Variants in MCTS1 observed in about 807,000 individuals in gnomAD.
MCTS1 encodes malignant T-cell-amplified sequence 1.
For missense variants in MCTS1, 55 were observed against 128.6 expected (o/e 0.43, Z 2.77); for synonymous variants, 26 against 40.8 (o/e 0.64, Z 1.38).
In MCTS1 at chrX:120,614,666, A is replaced by G. The variant is rs979219911; in HGVS notation, c.*2402A>G. ...TGGCTTCAAATTCAGATGTCTCCCT[A>G]TTTGGGGGAGGAGGCACCCTATTTG... On this transcript the variant is annotated 3_prime_UTR_variant, in exon 6 of 6. Transcript: ENST00000371317. Among the ~76,000 whole-genome samples, 1 of 111,644 alleles carries G rather than the reference A, an allele frequency of 9.0e-6. No individual in the cohort carries two copies. The highest frequency in any genetic ancestry group is 3.3e-5 in the African/African-American group (1 of 30,713).
intron 3 of MCTS1, among the ~76,000 whole-genome samples, chrX:120,607,853 G>A (rs1430536175): frequency 9.1e-6 from 1 of 110,339 alleles, no homozygotes; most frequent in East Asian, 2.8e-4. Context: ...TTTACTCTGC[G>A]TTTTTCACTT....
chrX:120,608,557 C>T (rs1242405012), intron 4 of MCTS1, 199 bp downstream of exon 4: 5 of 372,083 alleles, frequency 1.3e-5, no homozygotes, highest in East Asian at 1.1e-4. Flanking sequence ...CATCTTAGGT[C>T]GTTTCTTAGA....
At position 120,620,918 on chromosome X, in the gene MCTS1, A is replaced by T. The variant is rs1927019298; in HGVS notation, c.*8654A>T. The T allele has an allele frequency of 9.0e-6, 1 of 111,566 alleles. No individual in the cohort carries two copies. Among genetic ancestry groups the T allele is most frequent in the Non-Finnish European group, 1.9e-5 (1 of 53,195 alleles). The allele number at this position is 111,566 out of a possible 1,213,427, so 9.2% of individuals were successfully genotyped here. On this transcript the variant is annotated 3_prime_UTR_variant, in exon 6 of 6. Transcript: ENST00000371317. ...TCATGTTTAGCTATTGGGGGGTCTC[A>T]TACTTCTGGACTTGCTTAGACCTAT... is the stretch of plus-strand genomic sequence containing the variant.
At chrX:120,610,577 C>T (rs1926662095) in intron 4 of MCTS1, among the ~76,000 whole-genome samples, 1 of 112,660 alleles carries the variant, frequency 8.9e-6, no homozygotes, top group Non-Finnish European at 1.9e-5. Context: ...TGCGCCATTG[C>T]ACTCCAGCCT....
chrX:120,612,687 ATGTGTGTGTGTG>A lies in MCTS1; in HGVS notation c.*437_*448del, dbSNP rs66864093. On this transcript the variant is annotated 3_prime_UTR_variant, in exon 6 of 6. Transcript: ENST00000371317. ...TGTGTGTGTGTGTGTGTGTGTGTGT[ATGTGTGTGTGTG>A]TGTGTGTGTGTGTTTTGTTGATTGT... Among the ~76,000 whole-genome samples the A allele has an allele frequency of 8.5e-5, 8 of 93,680 alleles. No homozygotes were observed. Among genetic ancestry groups the A allele is most frequent in the South Asian group, 5.0e-4 (1 of 1,982 alleles). 81.3% of individuals were successfully genotyped at this position (93,680 alleles called of 115,157 possible).
At chrX:120,605,623 C>T in intron 2 of MCTS1, 64 bp downstream of exon 2, 1 of 1,026,529 alleles carries the variant, frequency 9.7e-7, no homozygotes, top group Non-Finnish European at 1.3e-6. Context: ...TTAGATTGCA[C>T]TCATACTAAA....
rs1375134185 is a variant in MCTS1 at position 120,612,317 on chromosome X, T to A, written c.*53T>A. On this transcript the variant is annotated 3_prime_UTR_variant, in exon 6 of 6. Coordinates refer to ENST00000371317, the MANE Select transcript of MCTS1 (RefSeq NM_014060.3). ...ATATGGATATTGTGCTGTATCTGTG[T>A]TTGTGTCTGTGTGTGACAGCATGAA... The A allele has an allele frequency of 2.0e-5, 18 of 912,398 alleles. No homozygotes were observed. Among genetic ancestry groups the A allele is most frequent in the African/African-American group, 4.0e-5 (2 of 50,475 alleles). The allele number at this position is 912,398 out of a possible 1,213,427, so 75.2% of individuals were successfully genotyped here.
At position 120,619,518 on chromosome X, in the gene MCTS1, C is replaced by T. The variant is rs1209786390; in HGVS notation, c.*7254C>T. ...CAACTTCAGGAAAGTTGTATGACCTCTCTGAGGTAATAAATGGCAGAACTG... is the reference window on the plus strand; with the variant it reads ...CAACTTCAGGAAAGTTGTATGACCTTTCTGAGGTAATAAATGGCAGAACTG... On this transcript the variant is annotated 3_prime_UTR_variant, in exon 6 of 6. Coordinates refer to ENST00000371317, the MANE Select transcript of MCTS1 (RefSeq NM_014060.3). 2.7e-5 allele frequency among the ~76,000 whole-genome samples: 3 copies of T among 109,201 alleles called. No individual in the cohort carries two copies. Among genetic ancestry groups the T allele is most frequent in the Non-Finnish European group, 5.7e-5 (3 of 52,416 alleles). The allele number at this position is 109,201 out of a possible 115,157, so 94.8% of individuals were successfully genotyped here. A position where few individuals can be genotyped will look rare whatever the true frequency, so the allele number is the denominator to read the frequency against.
At chrX:120,606,613 GTC>G (rs1308867648) in intron 3 of MCTS1, among the ~76,000 whole-genome samples, 1 of 111,053 alleles carries the variant, frequency 9.0e-6, no homozygotes, top group Non-Finnish European at 1.9e-5. Context: ...GTGAAACCCC[GTC>G]TCTACTAAAC....
chrX:120,604,590 G>A, intron 1 of MCTS1: 1 of 788,779 alleles, frequency 1.3e-6, no homozygotes, highest in Non-Finnish European at 1.7e-6. Context: ...GCTGAGAGGG[G>A]AGCCCTGCGC....
chrX:120,608,662 T>G (rs1185106306), intron 4 of MCTS1, among the ~76,000 whole-genome samples: 1 of 112,197 alleles, frequency 8.9e-6, no homozygotes, highest in Non-Finnish European at 1.9e-5. Context: ...AGGGAATTCT[T>G]GATTACTAGG....
At chrX:120,604,787 A>G in intron 1 of MCTS1, 5 of 1,128,400 alleles carry the variant, frequency 4.4e-6, no homozygotes, top group East Asian at 3.4e-5. Context: ...GAAGACAAAA[A>G]TTCCTTGGGA....
chrX:120,620,239 C>T lies in MCTS1; in HGVS notation c.*7975C>T, dbSNP rs1192532299. On this transcript the variant is annotated 3_prime_UTR_variant, in exon 6 of 6. Coordinates refer to ENST00000371317, the MANE Select transcript of MCTS1 (RefSeq NM_014060.3). ...AGGAGAGTGGCATGAACCCGGGAGG[C>T]GGAGCTTGCAGTGAGCTGAGATCGC... is the stretch of plus-strand genomic sequence containing the variant. Among the ~76,000 whole-genome samples, 1 of 109,927 alleles carries T rather than the reference C, an allele frequency of 9.1e-6. No individual in the cohort carries two copies. Among genetic ancestry groups the T allele is most frequent in the Non-Finnish European group, 1.9e-5 (1 of 52,743 alleles).
At position 120,612,266 on chromosome X, in the gene MCTS1, C is replaced by G. The variant is rs1926704832; in HGVS notation, c.*2C>G. On this transcript the variant is annotated 3_prime_UTR_variant, in exon 6 of 6. Coordinates refer to ENST00000371317, the MANE Select transcript of MCTS1 (RefSeq NM_014060.3). The stretch of plus-strand genomic sequence containing the variant: ...TGGCATATGAAGACATATAAATGAG[C>G]CTCAGAAGGAATGCACTTGGGCTAA... The G allele has an allele frequency of 1.7e-6, 2 of 1,178,939 alleles. No homozygotes were observed. Among genetic ancestry groups the G allele is most frequent in the African/African-American group, 1.8e-5 (1 of 56,301 alleles).
rs1450842041 is a variant in MCTS1, at chrX:120,620,330, A to G, written c.*8066A>G. 3.8e-5 allele frequency among the ~76,000 whole-genome samples: 4 copies of G among 106,218 alleles called. No homozygotes were observed. The highest frequency in any genetic ancestry group is 5.8e-5 in the Non-Finnish European group (3 of 51,733). 92.2% of individuals were successfully genotyped at this position (106,218 alleles called of 115,157 possible). ...CTCAAAAACCAACCAAACAAAAAAC[A>G]AAAATTAGCTGGGCATGGTGGCGCG... is the stretch of plus-strand genomic sequence containing the variant. On this transcript the variant is annotated 3_prime_UTR_variant, in exon 6 of 6. Coordinates refer to ENST00000371317, the MANE Select transcript of MCTS1 (RefSeq NM_014060.3).
chrX:120,619,520 C>G lies in MCTS1; in HGVS notation c.*7256C>G, dbSNP rs1345304277. Among the ~76,000 whole-genome samples, 2 of 109,129 alleles carry G rather than the reference C, an allele frequency of 1.8e-5. No individual in the cohort carries two copies. The highest frequency in any genetic ancestry group is 6.7e-5 in the African/African-American group (2 of 30,036). 94.8% of individuals were successfully genotyped at this position (109,129 alleles called of 115,157 possible). The stretch of plus-strand genomic sequence containing the variant: ...ACTTCAGGAAAGTTGTATGACCTCT[C>G]TGAGGTAATAAATGGCAGAACTGGA... On this transcript the variant is annotated 3_prime_UTR_variant, in exon 6 of 6. Transcript: ENST00000371317.
In MCTS1 at chrX:120,617,868, C is replaced by T. The variant is rs1424927007; in HGVS notation, c.*5604C>T. On this transcript the variant is annotated 3_prime_UTR_variant, in exon 6 of 6. Coordinates refer to ENST00000371317, the MANE Select transcript of MCTS1 (RefSeq NM_014060.3). ...CAATAAATCATTTGTTCTAACTAAG[C>T]ACATGCTTGGAAAAAGTGCTATTTT... Among the ~76,000 whole-genome samples the T allele has an allele frequency of 5.3e-5, 6 of 112,712 alleles. No homozygotes were observed. In the East Asian group the frequency reaches 1.7e-3, roughly 31 times the overall value.
At chrX:120,609,673 G>A (rs894692531) in intron 4 of MCTS1, among the ~76,000 whole-genome samples, 1 of 111,736 alleles carries the variant, frequency 8.9e-6, no homozygotes, top group African/African-American at 3.3e-5. Context: ...GTGAGGACGG[G>A]TTTTTTGTTG....
At position 120,616,884 on chromosome X, in the gene MCTS1, G is replaced by A. The variant is rs1926870424; in HGVS notation, c.*4620G>A. 8.9e-6 allele frequency among the ~76,000 whole-genome samples: 1 copy of A among 112,188 alleles called. No homozygotes were observed. Among genetic ancestry groups the A allele is most frequent in the Non-Finnish European group, 1.9e-5 (1 of 53,255 alleles). The stretch of plus-strand genomic sequence containing the variant: ...AATGTCCAATTCTAATTAATGGATT[G>A]TTTTAGAAATGTATTTGTGAAATAT... On this transcript the variant is annotated 3_prime_UTR_variant, in exon 6 of 6. Transcript: ENST00000371317.
Sources: gnomAD v4.1 joint callset for allele counts (sites outside exome capture counted in the v4.1 genomes callset) on GRCh38, gnomAD v4.1.1 for gene constraint, MANE v1.5 for transcripts, NCBI Gene and HGNC (gene_info 2026-07-23, HGNC 2026-07-21) for gene names.